OPRM1: variants seen among roughly 807,000 people sequenced by gnomAD.
OPRM1 encodes the protein opioid receptor mu 1.
OPRM1 carries 27 observed loss-of-function variants against 31.8 expected under a neutral mutation model. The ratio of observed to expected loss-of-function variants is 0.85; its 90% CI spans 0.63 to 1.17. The LOEUF (loss-of-function observed/expected upper bound fraction) is 1.17, where lower values mean the gene tolerates loss of function less well. Ranked by LOEUF, OPRM1 falls within the 50% of genes most tolerant of loss-of-function variation. The pLI is 0.00. For synonymous variants in OPRM1, 196 were observed against 189.9 expected, an observed-to-expected ratio of 1.03 and a Z score of -0.26; for missense variants, 536 against 511.1, an observed-to-expected ratio of 1.05 and a Z score of -0.47.
intron 1 of OPRM1, among the ~76,000 whole-genome samples, chr6:154,041,272 T>C (rs1780003194): frequency 6.6e-6 from 1 of 152,154 alleles, no homozygotes; most frequent in Non-Finnish European, 1.5e-5. Flanking sequence ...GCACCATCTA[T>C]TGAGAGGAAG....
chr6:154,212,785 G>A (rs763703040), intron 3 of OPRM1: 12 of 1,611,912 alleles, frequency 7.4e-6, no homozygotes, highest in Non-Finnish European at 1.0e-5. Flanking sequence ...ACTGAGTCTG[G>A]GAAGCGTGAG....
intron 3 of OPRM1, among the ~76,000 whole-genome samples, chr6:154,138,415 G>A (rs938977259): frequency 5.9e-5 from 9 of 152,172 alleles, no homozygotes; most frequent in African/African-American, 2.2e-4. Context: ...AATTATATCA[G>A]CAAGTATCTG....
intron 1 of OPRM1, among the ~76,000 whole-genome samples, chr6:154,064,866 G>A (rs1785065605): frequency 1.3e-5 from 2 of 152,124 alleles, no homozygotes; most frequent in Non-Finnish European, 2.9e-5. Context: ...CTTTATACAA[G>A]TACCATGCTG....
At chr6:154,244,141 G>T (rs941700445) in intron 3 of OPRM1, among the ~76,000 whole-genome samples, 1 of 152,336 alleles carries the variant, frequency 6.6e-6, no homozygotes, top group Middle Eastern at 3.4e-3. Flanking sequence ...GTGGCAGGAA[G>T]TAAATAAAGC....
At chr6:154,150,211 G>C in intron 3 of OPRM1, among the ~76,000 whole-genome samples, 1 of 152,170 alleles carries the variant, frequency 6.6e-6, no homozygotes, top group East Asian at 1.9e-4. Context: ...TAGTCTCCCT[G>C]GGCTCTTGCC....
At chr6:154,179,360 C>G (rs1046382666) in intron 3 of OPRM1, among the ~76,000 whole-genome samples, 6 of 152,078 alleles carry the variant, frequency 3.9e-5, no homozygotes, top group African/African-American at 1.4e-4. Flanking sequence ...ATATATTTTT[C>G]TAAATTAGAA....
At chr6:154,172,448 T>C (rs1399268592) in intron 3 of OPRM1, among the ~76,000 whole-genome samples, 6 of 152,148 alleles carry the variant, frequency 3.9e-5, no homozygotes, top group Non-Finnish European at 5.9e-5. Context: ...ATACTGTGCT[T>C]TTCCCACAGT....
intron 3 of OPRM1, among the ~76,000 whole-genome samples, chr6:154,160,437 A>T (rs1798917567): frequency 6.6e-6 from 1 of 152,210 alleles, no homozygotes; most frequent in East Asian, 1.9e-4. Flanking sequence ...GGAACGTAAC[A>T]CTTTACCTAG....
At chr6:154,218,988 T>C (rs1447655924) in intron 3 of OPRM1, 1 of 152,202 alleles carries the variant, frequency 6.6e-6, no homozygotes, top group Non-Finnish European at 1.5e-5. Context: ...AAGACTTTGA[T>C]TTCACAGCCA....
At chr6:154,038,942 C>T (rs982013162), upstream of OPRM1, among the ~76,000 whole-genome samples, 1 of 152,082 alleles carries the variant, frequency 6.6e-6, no homozygotes, top group Non-Finnish European at 1.5e-5. Context: ...ATTGTGTGTC[C>T]CCCATTCCTA....
intron 1 of OPRM1, among the ~76,000 whole-genome samples, chr6:154,032,263 C>T (rs765258053): frequency 2.4e-4 from 36 of 152,230 alleles, no homozygotes; most frequent in African/African-American, 7.9e-4. Flanking sequence ...GCTTTATTAA[C>T]GAAGCTCATT....
chr6:154,186,688 C>T (rs1448770592), intron 3 of OPRM1, among the ~76,000 whole-genome samples: 3 of 152,218 alleles, frequency 2.0e-5, no homozygotes, highest in South Asian at 2.1e-4. Context: ...TCCCGAGTAG[C>T]TGGGACTACA....
intron 3 of OPRM1, among the ~76,000 whole-genome samples, chr6:154,240,244 C>T (rs1224090452): frequency 6.6e-6 from 1 of 152,184 alleles, no homozygotes; most frequent in African/African-American, 2.4e-5. Flanking sequence ...CTGGTACATG[C>T]TCTGTACCTG....
intron 3 of OPRM1, among the ~76,000 whole-genome samples, chr6:154,218,614 A>ATG (rs1219285541): frequency 2.6e-5 from 4 of 152,206 alleles, no homozygotes; most frequent in Non-Finnish European, 5.9e-5. Flanking sequence ...GAAGTTCTTC[A>ATG]TGTGTTATTG....
intron 3 of OPRM1, among the ~76,000 whole-genome samples, chr6:154,100,499 T>C (rs971287847): frequency 6.6e-6 from 1 of 151,670 alleles, no homozygotes. Flanking sequence ...TAGAAACACA[T>C]GCAAAGAAAT....
At chr6:154,047,815 C>G (rs952638712) in intron 1 of OPRM1, among the ~76,000 whole-genome samples, 1 of 152,124 alleles carries the variant, frequency 6.6e-6, no homozygotes, top group Non-Finnish European at 1.5e-5. Flanking sequence ...AACAAAGTAC[C>G]ATAGCCTGGG....
At chr6:154,222,875 A>G (rs972906613) in intron 3 of OPRM1, 6 of 390,966 alleles carry the variant, frequency 1.5e-5, no homozygotes, top group Non-Finnish European at 2.4e-5. Flanking sequence ...TTGACATCTG[A>G]CCTCCCTGCC....
At chr6:154,237,549 T>C (rs1780233115) in intron 3 of OPRM1, among the ~76,000 whole-genome samples, 1 of 152,226 alleles carries the variant, frequency 6.6e-6, no homozygotes, top group Non-Finnish European at 1.5e-5. Flanking sequence ...TTTTTAAATA[T>C]TGCTTTTAGC....
At chr6:154,138,657 T>C (rs1048257973) in intron 3 of OPRM1, among the ~76,000 whole-genome samples, 4 of 152,250 alleles carry the variant, frequency 2.6e-5, no homozygotes, top group African/African-American at 9.6e-5. Flanking sequence ...TGTTAATTCC[T>C]GGGCATAGGC....
Sources: gnomAD v4.1 joint callset for allele counts (sites outside exome capture counted in the v4.1 genomes callset) on GRCh38, gnomAD v4.1.1 for gene constraint, MANE v1.5 for transcripts, NCBI Gene and HGNC (gene_info 2026-07-23, HGNC 2026-07-21) for gene names.